The following MAP3K15 variants were observed in gnomAD, a reference collection of about 807,000 sequenced individuals.
The protein encoded by MAP3K15 is mitogen-activated protein kinase kinase kinase 15.
MAP3K15 carries 124 observed loss-of-function variants against 99.5 expected under a neutral mutation model. The observed-to-expected ratio is 1.25, with a 90% CI of 1.08 to 1.45. MAP3K15 has a LOEUF of 1.45. Among genes scored for constraint, MAP3K15 ranks in the 40% most tolerant of loss-of-function variants. MAP3K15 has a pLI of 0.00. For missense variants in MAP3K15, 1,242 were observed against 1,079.7 expected (o/e 1.15, Z -2.11); for synonymous variants, 494 against 439.6 (o/e 1.12, Z -1.55).
chrX:19,412,850 T>G (rs1053617680), intron 11 of MAP3K15, among the ~76,000 whole-genome samples: 3 of 110,644 alleles, frequency 2.7e-5, no homozygotes, highest in Non-Finnish European at 5.7e-5. Flanking sequence ...TCCTCCCACT[T>G]CAGCCTCCCA....
intron 18 of MAP3K15, among the ~76,000 whole-genome samples, chrX:19,383,370 G>A (rs1443469662): frequency 1.8e-5 from 2 of 112,493 alleles, no homozygotes; most frequent in Non-Finnish European, 3.7e-5. Flanking sequence ...ATTTATAGAT[G>A]TATCCAGCAG....
intron 25 of MAP3K15, among the ~76,000 whole-genome samples, chrX:19,363,341 T>C (rs1286270098): frequency 8.9e-6 from 1 of 112,252 alleles, no homozygotes; most frequent in Non-Finnish European, 1.9e-5. Context: ...CGGAATCTGC[T>C]GGCACCTCGA....
intron 1 of MAP3K15, among the ~76,000 whole-genome samples, chrX:19,490,186 T>C (rs188973775): frequency 0.039 from 2,801 of 71,745 alleles, 46 homozygotes; most frequent in Non-Finnish European, 0.058. Flanking sequence ...CACACACACA[T>C]ACATACAAAA....
chrX:19,467,264 C>T (rs1293052575), intron 3 of MAP3K15, among the ~76,000 whole-genome samples: 1 of 111,377 alleles, frequency 9.0e-6, no homozygotes, highest in Non-Finnish European at 1.9e-5. Context: ...TGAAGTTCTA[C>T]TCTAAGTAGG....
chrX:19,489,169 T>C (rs2064350077), intron 1 of MAP3K15, among the ~76,000 whole-genome samples: 5 of 112,164 alleles, frequency 4.5e-5, no homozygotes, highest in Admixed American at 1.9e-4. Flanking sequence ...CTCTTTCTTC[T>C]TCAAAGTGCT....
intron 9 of MAP3K15, among the ~76,000 whole-genome samples, chrX:19,423,211 A>G (rs1248577969): frequency 9.0e-6 from 1 of 111,238 alleles, no homozygotes; most frequent in Admixed American, 9.6e-5. Context: ...AAAAAGAACT[A>G]TAGTACTGTA....
chrX:19,397,264 T>C (rs2063573735), intron 15 of MAP3K15, among the ~76,000 whole-genome samples: 1 of 111,206 alleles, frequency 9.0e-6, no homozygotes, highest in Admixed American at 9.6e-5. Context: ...GTACTCATGG[T>C]AGAAAAACAG....
intron 1 of MAP3K15, among the ~76,000 whole-genome samples, chrX:19,513,253 A>G (rs1048502203): frequency 2.7e-5 from 3 of 110,728 alleles, no homozygotes; most frequent in African/African-American, 9.9e-5. Flanking sequence ...GTACACACAC[A>G]CTCCGCCCCA....
chrX:19,460,462 T>C (rs2064124166), intron 4 of MAP3K15, among the ~76,000 whole-genome samples: 1 of 112,187 alleles, frequency 8.9e-6, no homozygotes. Flanking sequence ...TTTTCAAACA[T>C]ATAGAGGGTG....
intron 25 of MAP3K15, among the ~76,000 whole-genome samples, chrX:19,364,893 C>CAAAAAAAAAAAAA (rs781622051): frequency 2.6e-5 from 1 of 38,486 alleles, no homozygotes; most frequent in African/African-American, 1.0e-4. Flanking sequence ...AACTCTGTCT[C>CAAAAAAAAAAAAA]AAAAAAAAAA....
At chrX:19,373,198 G>A (rs1267920231) in intron 21 of MAP3K15, 1 of 183,174 alleles carries the variant, frequency 5.5e-6, no homozygotes, top group Non-Finnish European at 9.5e-6. Context: ...GGAGGAGGGG[G>A]CCGGAAGATG....
chrX:19,486,762 G>A (rs943298328), intron 2 of MAP3K15, among the ~76,000 whole-genome samples: 3 of 111,372 alleles, frequency 2.7e-5, no homozygotes, highest in African/African-American at 9.8e-5. Context: ...CTATTAGGGG[G>A]CATTTATAAG....
At position 19,464,307 on chromosome X, in the gene MAP3K15, T is replaced by C. The variant is rs776183951; in HGVS notation, c.625A>G (p.Met209Val). ...SDAQRRASEY[M>V]QPNWDNILGP... The stretch of plus-strand genomic sequence containing the variant: ...AGGATGTTGTCCCAGTTGGGCTGCA[T>C]GTACTCGGAGGCTCGTCTCTGGGCA... The change falls in exon 4 of 29, where the codon ATG (methionine) becomes GTG (valine). Residue 209 changes from methionine to valine, a missense_variant. By Grantham distance (21) the Met-to-Val change is conservative. Transcript: ENST00000338883. 2.5e-6 allele frequency: 3 copies of C among 1,199,929 alleles called. No homozygotes were observed. The Admixed American group carries it at 6.5e-5, about 26-fold the overall frequency.
chrX:19,398,228 G>A lies in MAP3K15; in HGVS notation c.2064C>T (p.Ser688=), dbSNP rs761158963. The change falls in exon 15 of 29, where the codon AGC becomes AGT. Residue 688 remains serine, a splice_region_variant and synonymous_variant. Coordinates refer to ENST00000338883, the MANE Select transcript of MAP3K15 (RefSeq NM_001001671.4). ...GCGGAAGGCCCGCCTGGACTTGCCT[G>A]CTATCTCTCTCCGGGATTTCTTTGA... is the stretch of plus-strand genomic sequence containing the variant. ...IAIKEIPERD[S]RYSQPLHEEI... The A allele has an allele frequency of 8.3e-7, 1 of 1,211,376 alleles. No homozygotes were observed. The highest frequency in any genetic ancestry group is 1.1e-6 in the Non-Finnish European group (1 of 895,349).
intron 25 of MAP3K15, among the ~76,000 whole-genome samples, chrX:19,365,233 G>A (rs375811652): frequency 1.8e-5 from 2 of 109,284 alleles, no homozygotes; most frequent in East Asian, 2.9e-4. Context: ...AAAGTTCTTC[G>A]ACCTACTTTG....
At chrX:19,500,240 C>T (rs1167918987) in intron 1 of MAP3K15, among the ~76,000 whole-genome samples, 1 of 111,020 alleles carries the variant, frequency 9.0e-6, no homozygotes, top group Non-Finnish European at 1.9e-5. Flanking sequence ...GAGTGAGACT[C>T]CATCTCTAAA....
At chrX:19,394,789 CTTTTTTTTTTTTTTTTTTTTTT>C (rs144723219) in intron 16 of MAP3K15, among the ~76,000 whole-genome samples, 24 of 17,522 alleles carry the variant, frequency 1.4e-3, no homozygotes, top group South Asian at 2.2e-3. Flanking sequence ...GGGTCTGTTG[CTTTTTTTTTTTTTTTTTTTTTT>C]TTTTTTTTTT....
chrX:19,481,276 GT>G lies in MAP3K15; in HGVS notation c.525+5205del, dbSNP rs768260738. ...AAGATGATTCAAAGATGACAAGACA[GT>G]TTTTTTTTTTCTTTTTTTTAAGAAA... On this transcript the variant is annotated intron_variant, in intron 3 of 28. Transcript: ENST00000338883. Among the ~76,000 whole-genome samples the G allele has an allele frequency of 1.0e-3, 109 of 104,245 alleles. 1 individual carries two copies. Among genetic ancestry groups the G allele is most frequent in the South Asian group, 9.0e-3 (21 of 2,333 alleles). 90.5% of individuals were successfully genotyped at this position (104,245 alleles called of 115,157 possible).
intron 19 of MAP3K15, among the ~76,000 whole-genome samples, chrX:19,375,543 C>T (rs1015372176): frequency 1.8e-5 from 2 of 112,267 alleles, no homozygotes; most frequent in Non-Finnish European, 3.8e-5. Context: ...CATAACTGTT[C>T]CCAGTAGGGT....
Sources: allele counts gnomAD v4.1 joint callset (sites outside exome capture counted in the v4.1 genomes callset), GRCh38; gene constraint gnomAD v4.1.1; transcripts MANE v1.5; gene names NCBI Gene and HGNC (gene_info 2026-07-23, HGNC 2026-07-21).